GRM7: variants seen among roughly 807,000 people sequenced by gnomAD.
The protein encoded by GRM7 is glutamate metabotropic receptor 7.
GRM7 carries 35 observed loss-of-function variants against 84.5 expected under a neutral mutation model. That is an observed-to-expected ratio of 0.41 (90% CI 0.32 to 0.55). The LOEUF is 0.55. Ranked by LOEUF, GRM7 falls within the 20% of genes least tolerant of loss-of-function variation. The probability of loss-of-function intolerance (pLI) is 0.19; values close to 1 mark genes in which losing one functional copy is unlikely to be tolerated. For synonymous variants in GRM7, 487 were observed against 455.1 expected (o/e 1.07, Z -0.89); for missense variants, 1,003 against 1,194.6 (o/e 0.84, Z 2.36).
At chr3:7,095,662 C>G (rs1021536974) in intron 1 of GRM7, among the ~76,000 whole-genome samples, 7 of 151,994 alleles carry the variant, frequency 4.6e-5, no homozygotes, top group African/African-American at 1.7e-4. Context: ...TGTATGTTAT[C>G]TTCATGGAAT....
At chr3:7,071,526 T>C (rs1465084034) in intron 1 of GRM7, among the ~76,000 whole-genome samples, 3 of 152,082 alleles carry the variant, frequency 2.0e-5, no homozygotes, top group Admixed American at 6.6e-5. Flanking sequence ...AAAAACTTGC[T>C]GTCTTTGCAT....
chr3:7,338,740 T>C (rs1472140822), intron 4 of GRM7, among the ~76,000 whole-genome samples: 2 of 152,104 alleles, frequency 1.3e-5, no homozygotes, highest in Non-Finnish European at 2.9e-5. Flanking sequence ...GCTGTCATGA[T>C]TGTAGAAATA....
At chr3:7,635,957 T>G (rs1176820419) in intron 8 of GRM7, among the ~76,000 whole-genome samples, 1 of 152,212 alleles carries the variant, frequency 6.6e-6, no homozygotes, top group Non-Finnish European at 1.5e-5. Context: ...ATTACAGGTG[T>G]GCGCCATTGC....
At chr3:7,385,584 G>T (rs1205026707) in intron 4 of GRM7, among the ~76,000 whole-genome samples, 1 of 152,076 alleles carries the variant, frequency 6.6e-6, no homozygotes. Context: ...ACAGGTGTGA[G>T]CCACTGCACC....
At chr3:6,944,305 C>T (rs1305695616) in intron 1 of GRM7, among the ~76,000 whole-genome samples, 8 of 151,980 alleles carry the variant, frequency 5.3e-5, no homozygotes, top group Admixed American at 4.6e-4. Flanking sequence ...TGTTGTTAAC[C>T]GTAGATTTTT....
chr3:6,976,483 T>C (rs559292493), intron 1 of GRM7, among the ~76,000 whole-genome samples: 1 of 152,350 alleles, frequency 6.6e-6, no homozygotes, highest in Non-Finnish European at 1.5e-5. Context: ...TTGCACTTTA[T>C]TGTTCCAGTG....
At chr3:7,537,346 A>C (rs545805578) in intron 7 of GRM7, among the ~76,000 whole-genome samples, 1 of 152,310 alleles carries the variant, frequency 6.6e-6, no homozygotes, top group East Asian at 1.9e-4. Flanking sequence ...AGGCTAACCC[A>C]AAAGGGCTAC....
chr3:7,431,501 A>T (rs987879197), intron 5 of GRM7, among the ~76,000 whole-genome samples: 5 of 152,204 alleles, frequency 3.3e-5, no homozygotes, highest in African/African-American at 1.2e-4. Flanking sequence ...CATACGCTGT[A>T]TGCAGAATGT....
intron 7 of GRM7, among the ~76,000 whole-genome samples, chr3:7,468,288 A>G (rs928567076): frequency 2.0e-5 from 3 of 152,164 alleles, no homozygotes; most frequent in Non-Finnish European, 4.4e-5. Context: ...CTTTTGTGGA[A>G]CCACCTTTCT....
In GRM7 at chr3:7,452,688, C is replaced by T; in HGVS notation, c.1256C>T (p.Ala419Val). Residue 419 changes from alanine to valine, a missense_variant, in exon 6 of 10, where the codon GCT (alanine) becomes GTT (valine). This residue lies in a region of GRM7 where 910 missense variants were observed against 1,126.0 expected (regional missense o/e 0.81). Transcript: ENST00000357716. ...QFVIDAVYAM[A>V]HALHHMNKDL... ...GTGATTGACGCAGTCTATGCTATGG[C>T]TCACGCCCTTCACCACATGAACAAG... 6.2e-7 allele frequency: 1 copy of T among 1,612,806 alleles called. No homozygotes were observed. The highest frequency in any genetic ancestry group is 8.5e-7 in the Non-Finnish European group (1 of 1,178,980).
At chr3:7,521,180 A>G (rs1700578866) in intron 7 of GRM7, among the ~76,000 whole-genome samples, 1 of 152,144 alleles carries the variant, frequency 6.6e-6, no homozygotes, top group South Asian at 2.1e-4. Flanking sequence ...GGGTGGTGGA[A>G]CCTGATGTTG....
intron 1 of GRM7, among the ~76,000 whole-genome samples, chr3:6,880,944 A>C (rs1478754325): frequency 6.6e-6 from 1 of 152,146 alleles, no homozygotes; most frequent in Non-Finnish European, 1.5e-5. Flanking sequence ...AATTTATTAT[A>C]AGTTTATCTC....
At chr3:7,308,794 T>C (rs12492204) in intron 4 of GRM7, among the ~76,000 whole-genome samples, 71,804 of 151,898 alleles carry the variant, frequency 0.47, 18,660 homozygotes, top group Non-Finnish European at 0.6. Context: ...GTGGATGCCA[T>C]GTAGACACAA....
At chr3:7,000,168 CTTTTTT>C (rs35703323) in intron 1 of GRM7, among the ~76,000 whole-genome samples, 1 of 77,748 alleles carries the variant, frequency 1.3e-5, no homozygotes, top group Admixed American at 1.4e-4. Flanking sequence ...GAGGTTGTGA[CTTTTTT>C]TTTTTTTTTT....
intron 4 of GRM7, among the ~76,000 whole-genome samples, chr3:7,315,869 A>C (rs745723344): frequency 6.6e-6 from 1 of 152,188 alleles, no homozygotes; most frequent in South Asian, 2.1e-4. Context: ...GTGGAGGGAC[A>C]GGAGCTTGGA....
chr3:7,728,505 C>T (rs1702207701), intron 9 of GRM7, among the ~76,000 whole-genome samples: 1 of 152,168 alleles, frequency 6.6e-6, no homozygotes, highest in Non-Finnish European at 1.5e-5. Flanking sequence ...GGAGTGATTA[C>T]TTCTATCTTA....
At chr3:7,726,880 T>A (rs1442461495) in intron 9 of GRM7, among the ~76,000 whole-genome samples, 1 of 151,486 alleles carries the variant, frequency 6.6e-6, no homozygotes, top group East Asian at 1.9e-4. Context: ...AAAAAATCTA[T>A]GTTGTAATCA....
chr3:7,417,630 A>G lies in GRM7; in HGVS notation c.1174+2467A>G, dbSNP rs529466625. Reference sequence around the variant, plus strand: ...ACTGAAGATCTGCGCTGTGAATACAATGAATGTTTTTATCTGAGGACTGTA... The same window carrying G: ...ACTGAAGATCTGCGCTGTGAATACAGTGAATGTTTTTATCTGAGGACTGTA... On this transcript the variant is annotated intron_variant, in intron 5 of 9. Transcript: ENST00000357716. Among the ~76,000 whole-genome samples the G allele has an allele frequency of 2.6e-5, 4 of 152,250 alleles. No individual in the cohort carries two copies. In the South Asian group the frequency reaches 8.3e-4, roughly 32 times the overall value.
intron 1 of GRM7, among the ~76,000 whole-genome samples, chr3:6,883,899 G>C (rs1257590963): frequency 6.6e-6 from 1 of 152,148 alleles, no homozygotes; most frequent in Non-Finnish European, 1.5e-5. Flanking sequence ...GTCTCTTCTG[G>C]AAATGAGCAG....
Sources: gnomAD v4.1 joint callset for allele counts (sites outside exome capture counted in the v4.1 genomes callset) on GRCh38, gnomAD v4.1.1 for gene constraint, gnomAD v4.1.1 regional missense constraint, MANE v1.5 for transcripts, NCBI Gene and HGNC (gene_info 2026-07-23, HGNC 2026-07-21) for gene names.